RND2: variants seen among roughly 807,000 people sequenced by gnomAD.
RND2 encodes Rho family GTPase 2.
RND2 carries 16 observed loss-of-function variants against 25.9 expected under a neutral mutation model. That is an observed-to-expected ratio of 0.62 (90% CI 0.42 to 0.94). The LOEUF (loss-of-function observed/expected upper bound fraction) is 0.94, where lower values mean the gene tolerates loss of function less well. Ranked by LOEUF, RND2 falls within the 40% of genes least tolerant of loss-of-function variation. RND2 has a pLI of 0.00. For synonymous variants in RND2, 97 were observed against 118.1 expected (o/e 0.82, Z 1.16); for missense variants, 276 against 305.5 (o/e 0.90, Z 0.72).
Position 43,028,654 on chromosome 17 carries a change from C to G in RND2, c.658C>G (p.Arg220Gly), listed in dbSNP as rs370948413. ...RGNEGEIHKD[R>G]AKSCNLM ...GAATGAGGGCGAGATACACAAGGAT[C>G]GAGCCAAAAGCTGCAACCTCATGTG... The change falls in exon 5 of 5, where the codon CGA becomes GGA. Residue 220 changes from arginine to glycine, a missense_variant. Transcript: ENST00000587250. 6.3e-7 allele frequency: 1 copy of G among 1,590,200 alleles called. No individual in the cohort carries two copies. The highest frequency in any genetic ancestry group is 1.1e-5 in the South Asian group (1 of 88,542).
Position 43,030,142 on chromosome 17 carries a change from G to A in RND2, c.*1462G>A, listed in dbSNP as rs975169995. ...TTAAAGGAAAGACGGTGGAGAGGAC[G>A]GCTGAGCGCCTGTTGTCAGGAAAGA... On this transcript the variant is annotated 3_prime_UTR_variant, in exon 5 of 5. Transcript: ENST00000587250. 13 of 152,444 alleles carry A rather than the reference G, an allele frequency of 8.5e-5. No individual in the cohort carries two copies. The highest frequency in any genetic ancestry group is 2.6e-4 in the Admixed American group (4 of 15,256). The allele number at this position is 152,444 out of a possible 1,614,324, so 9.4% of individuals were successfully genotyped here. A position where few individuals can be genotyped will look rare whatever the true frequency, so the allele number is the denominator to read the frequency against.
In RND2 at chr17:43,028,741, T is replaced by A; in HGVS notation, c.*61T>A. 1 of 1,497,274 alleles carries A rather than the reference T, an allele frequency of 6.7e-7. No homozygotes were observed. Among genetic ancestry groups the A allele is most frequent in the Non-Finnish European group, 8.9e-7 (1 of 1,120,084 alleles). 92.7% of individuals were successfully genotyped at this position (1,497,274 alleles called of 1,614,324 possible). ...TGAGGGACACAATTGTTCCCCTGCC[T>A]GCGCCCAGGCTTCCTGACCTCCTGA... On this transcript the variant is annotated 3_prime_UTR_variant, in exon 5 of 5. Transcript: ENST00000587250.
Position 43,028,540 on chromosome 17 carries a change from C to T in RND2, c.544C>T (p.Leu182Phe), listed in dbSNP as rs1370954911. The T allele has an allele frequency of 1.9e-6, 3 of 1,614,230 alleles. No homozygotes were observed. Among genetic ancestry groups the T allele is most frequent in the Non-Finnish European group, 8.5e-7 (1 of 1,180,054 alleles). ...CTTCCATGTGGCTACAGTGGCCTCC[C>T]TTGGCCGTGGCCATAGGCAGCTGCG... ...DVFHVATVAS[L>F]GRGHRQLRRT... The change falls in exon 5 of 5, where the codon CTT becomes TTT. Residue 182 changes from leucine (L) to phenylalanine (F), a missense_variant. Physicochemically the swap from Leu to Phe is conservative, Grantham distance 22 (BLOSUM62 0). Transcript: ENST00000587250.
Position 43,028,571 on chromosome 17 carries a change from C to T in RND2, c.575C>T (p.Thr192Ile). Residue 192 changes from threonine (T) to isoleucine (I), a missense_variant, in exon 5 of 5, where the codon ACT (threonine) becomes ATT (isoleucine). Physicochemically the swap from Thr to Ile is moderately conservative, Grantham distance 89. Transcript: ENST00000587250. Reference protein sequence around the residue: ...LGRGHRQLRRTDSRRGMQRSA... With the variant: ...LGRGHRQLRRIDSRRGMQRSA... ...CGTGGCCATAGGCAGCTGCGCCGAA[C>T]TGACTCACGCCGGGGAATGCAGCGA... 6.2e-7 allele frequency: 1 copy of T among 1,614,192 alleles called. No homozygotes were observed. The highest frequency in any genetic ancestry group is 8.5e-7 in the Non-Finnish European group (1 of 1,180,036).
intron 1 of RND2, 48 bp downstream of exon 1, chr17:43,025,497 TG>T: frequency 1.2e-6 from 1 of 801,778 alleles, no homozygotes; most frequent in Admixed American, 3.5e-5. Flanking sequence ...TGCTGGGGGG[TG>T]GGTGACAGGG....
intron 4 of RND2, 58 bp from the exon 5 acceptor site, chr17:43,028,373 CT>C: frequency 6.3e-7 from 1 of 1,597,962 alleles, no homozygotes; most frequent in African/African-American, 1.3e-5. Flanking sequence ...CTCCATGCCC[CT>C]TTCTAAGCTG....
Position 43,028,889 on chromosome 17 carries a change from C to A in RND2, c.*209C>A. The A allele has an allele frequency of 1.4e-6, 1 of 719,112 alleles. No homozygotes were observed. The highest frequency in any genetic ancestry group is 2.2e-6 in the Non-Finnish European group (1 of 454,260). 44.5% of individuals were successfully genotyped at this position (719,112 alleles called of 1,614,324 possible). On this transcript the variant is annotated 3_prime_UTR_variant, in exon 5 of 5. Transcript: ENST00000587250. ...TCTTCTCCAGTGGATGTTGAGGGAG[C>A]TAACAGGGCTGGCATCTGGGGCATG...
intron 2 of RND2, 151 bp downstream of exon 2, chr17:43,026,198 A>G (rs2050621866): frequency 1.7e-6 from 1 of 571,750 alleles, no homozygotes; most frequent in Non-Finnish European, 3.2e-6. Flanking sequence ...ATCCAGGGAA[A>G]CTGAGGTAGA....
Position 43,030,038 on chromosome 17 carries a change from C to T in RND2, c.*1358C>T, listed in dbSNP as rs1275739685. Reference sequence around the variant, plus strand: ...TCTCCTTAGAGGCTCAGGCCAGGGACCTTTCTCTCCTCCCATGCTGAGTTT... The same window carrying T: ...TCTCCTTAGAGGCTCAGGCCAGGGATCTTTCTCTCCTCCCATGCTGAGTTT... On this transcript the variant is annotated 3_prime_UTR_variant, in exon 5 of 5. Coordinates refer to ENST00000587250, the MANE Select transcript of RND2 (RefSeq NM_005440.5). The T allele has an allele frequency of 6.6e-6, 1 of 152,188 alleles. No homozygotes were observed. The highest frequency in any genetic ancestry group is 2.4e-5 in the African/African-American group (1 of 41,384). The allele number at this position is 152,188 out of a possible 1,614,324, so 9.4% of individuals were successfully genotyped here. A position where few individuals can be genotyped will look rare whatever the true frequency, so the allele number is the denominator to read the frequency against.
chr17:43,030,422 A>G lies in RND2; in HGVS notation c.*1742A>G, dbSNP rs1371471222. On this transcript the variant is annotated 3_prime_UTR_variant, in exon 5 of 5. Coordinates refer to ENST00000587250, the MANE Select transcript of RND2 (RefSeq NM_005440.5). ...CATTCATTCAGCAAGTATGTACTGA[A>G]CACCAACTGTGTGGCATACACTGGC... 6.6e-6 allele frequency: 1 copy of G among 152,670 alleles called. No homozygotes were observed. Among genetic ancestry groups the G allele is most frequent in the African/African-American group, 2.4e-5 (1 of 41,440 alleles). The allele number at this position is 152,670 out of a possible 1,614,324, so 9.5% of individuals were successfully genotyped here. A position where few individuals can be genotyped will look rare whatever the true frequency, so the allele number is the denominator to read the frequency against.
intron 1 of RND2, 23 bp downstream of exon 1, chr17:43,025,472 G>C: frequency 6.5e-7 from 1 of 1,543,928 alleles, no homozygotes; most frequent in Admixed American, 2.0e-5. Context: ...CGTCTTGGGA[G>C]GGGGACGCTA....
In RND2 at chr17:43,026,992, A is replaced by T. The variant is rs570517682; in HGVS notation, c.191-191A>T. The stretch of plus-strand genomic sequence containing the variant: ...GGGAAGCAGAGAGCCGTTTCCCACC[A>T]TGTGACCTCCCTTCTGCCCGCTCCC... On this transcript the variant is annotated intron_variant, in intron 2 of 4. Transcript: ENST00000587250. Among the ~76,000 whole-genome samples, 11 of 152,310 alleles carry T rather than the reference A, an allele frequency of 7.2e-5. 1 individual carries two copies. The South Asian group carries it at 2.3e-3, about 32-fold the overall frequency.
In RND2 at chr17:43,026,025, G is replaced by A. The variant is rs759404812; in HGVS notation, c.168G>A (p.Glu56=). The change falls in exon 2 of 5, where the codon GAG becomes GAA. Residue 56 remains glutamate (E), a synonymous_variant. Coordinates refer to ENST00000587250, the MANE Select transcript of RND2 (RefSeq NM_005440.5). Reference sequence around the variant, plus strand: ...TTGAGATCGACAAGCGCCGCATTGAGCTCAACATGTGGGACACTTCAGGTA... The same window carrying A: ...TTGAGATCGACAAGCGCCGCATTGAACTCAACATGTGGGACACTTCAGGTA... ...ASFEIDKRRI[E]LNMWDTSGSS... 8 of 1,612,474 alleles carry A rather than the reference G, an allele frequency of 5.0e-6. No individual in the cohort carries two copies. The Admixed American group carries it at 1.3e-4, about 27-fold the overall frequency.
chr17:43,026,626 G>A (rs2050625153), intron 2 of RND2, among the ~76,000 whole-genome samples: 1 of 152,208 alleles, frequency 6.6e-6, no homozygotes, highest in Non-Finnish European at 1.5e-5. Flanking sequence ...TCCAGCCTGA[G>A]CGATAGAGCG....
Position 43,028,793 on chromosome 17 carries a change from G to A in RND2, c.*113G>A. On this transcript the variant is annotated 3_prime_UTR_variant, in exon 5 of 5. Coordinates refer to ENST00000587250, the MANE Select transcript of RND2 (RefSeq NM_005440.5). ...CCTGGCTGGGAAGTTAGGGCAGGCAGAGCGAGCAATTCTGGGCAGGGGAGC... is the reference window on the plus strand; with the variant it reads ...CCTGGCTGGGAAGTTAGGGCAGGCAAAGCGAGCAATTCTGGGCAGGGGAGC... The A allele has an allele frequency of 6.9e-7, 1 of 1,449,278 alleles. No individual in the cohort carries two copies. Among genetic ancestry groups the A allele is most frequent in the East Asian group, 2.5e-5 (1 of 39,978 alleles). 89.8% of individuals were successfully genotyped at this position (1,449,278 alleles called of 1,614,324 possible). A position where few individuals can be genotyped will look rare whatever the true frequency, so the allele number is the denominator to read the frequency against.
intron 1 of RND2, chr17:43,025,668 G>A (rs1453409545): frequency 4.6e-6 from 1 of 216,940 alleles, no homozygotes; most frequent in East Asian, 1.9e-4. Flanking sequence ...GGGAGAACCA[G>A]AGCATCCGGG....
At chr17:43,027,411 G>A (rs2050632307) in intron 3 of RND2, 119 bp downstream of exon 3, 6 of 664,992 alleles carry the variant, frequency 9.0e-6, no homozygotes, top group South Asian at 6.1e-5. Flanking sequence ...GCTGGTTAGC[G>A]AGTGAAGCTC....
At chr17:43,028,349 C>T in intron 4 of RND2, 83 bp from the exon 5 acceptor site, 1 of 1,586,304 alleles carries the variant, frequency 6.3e-7, no homozygotes, top group Non-Finnish European at 8.6e-7. Context: ...TGACATTCAA[C>T]CCCAGCCCAC....
intron 1 of RND2, 56 bp downstream of exon 1, chr17:43,025,505 A>T: frequency 2.7e-6 from 4 of 1,492,672 alleles, no homozygotes; most frequent in Non-Finnish European, 3.6e-6. Context: ...GGTGGGTGAC[A>T]GGGGCCCTGG....
Sources: gnomAD v4.1 joint callset for allele counts (sites outside exome capture counted in the v4.1 genomes callset) on GRCh38, gnomAD v4.1.1 for gene constraint, MANE v1.5 for transcripts, NCBI Gene and HGNC (gene_info 2026-07-23, HGNC 2026-07-21) for gene names.